Variants in AXL observed in about 807,000 individuals in gnomAD.
The protein encoded by AXL is tyrosine-protein kinase receptor UFO.
In AXL, 52 loss-of-function variants were observed where a neutral mutation model predicts 104.5. The ratio of observed to expected loss-of-function variants is 0.50; its 90% confidence interval spans 0.40 to 0.63. The LOEUF (loss-of-function observed/expected upper bound fraction) is 0.63, where lower values mean the gene tolerates loss of function less well. Ranked by LOEUF, AXL falls within the 20% of genes least tolerant of loss-of-function variation. The pLI is 0.00. For synonymous variants in AXL, 455 were observed against 473.7 expected, an observed-to-expected ratio of 0.96 and a Z score of 0.51; for missense variants, 1,024 against 1,188.5, an observed-to-expected ratio of 0.86 and a Z score of 2.04.
chr19:41,259,184 A>T (rs926846129), intron 19 of AXL, among the ~76,000 whole-genome samples: 4 of 152,192 alleles, frequency 2.6e-5, no homozygotes, highest in Non-Finnish European at 5.9e-5. Context: ...CGTCTTTTGC[A>T]GGGAGGAGGG....
At chr19:41,245,452 A>T (rs1024780440) in intron 12 of AXL, among the ~76,000 whole-genome samples, 1 of 152,012 alleles carries the variant, frequency 6.6e-6, no homozygotes, top group African/African-American at 2.4e-5. Flanking sequence ...GGCTGGGTGC[A>T]GTGGCTCACG....
At chr19:41,231,442 G>C in intron 6 of AXL, 144 bp downstream of exon 6, 1 of 761,296 alleles carries the variant, frequency 1.3e-6, no homozygotes, top group Non-Finnish European at 2.1e-6. Flanking sequence ...AGATGTCCTG[G>C]GTTCGAATCC....
intron 12 of AXL, among the ~76,000 whole-genome samples, chr19:41,247,123 T>C (rs571835630): frequency 6.6e-6 from 1 of 152,356 alleles, no homozygotes; most frequent in South Asian, 2.1e-4. Flanking sequence ...ACTAATCGAT[T>C]GTAACAGAAA....
At chr19:41,220,300 A>G (rs557235721) in intron 1 of AXL, 1 of 212,930 alleles carries the variant, frequency 4.7e-6, no homozygotes, top group East Asian at 1.1e-4. Context: ...CCCTCCATCC[A>G]CCAGCACCAG....
chr19:41,240,348 G>A (rs2034160524), intron 10 of AXL, among the ~76,000 whole-genome samples: 1 of 151,204 alleles, frequency 6.6e-6, no homozygotes, highest in Admixed American at 6.6e-5. Flanking sequence ...TGACTGGGTG[G>A]TGAGTGGATA....
intron 18 of AXL, among the ~76,000 whole-genome samples, 194 bp from the exon 19 acceptor site, chr19:41,257,299 C>T (rs1404063026): frequency 2.6e-5 from 4 of 152,194 alleles, no homozygotes; most frequent in Non-Finnish European, 1.5e-5. Context: ...CCACCTCAGC[C>T]TCCCAAAGTG....
chr19:41,260,255 C>A lies in AXL; in HGVS notation c.*351C>A. The A allele has an allele frequency of 4.7e-6, 1 of 213,752 alleles. No homozygotes were observed. The highest frequency in any genetic ancestry group is 9.0e-6 in the Non-Finnish European group (1 of 111,340). The allele number at this position is 213,752 out of a possible 1,614,324, so 13.2% of individuals were successfully genotyped here. ...CTTTGGTTCTAAGGACCTGAAATTCCAAAGTCTCTAATTCTATTAAAGTGC... is the reference window on the plus strand; with the variant it reads ...CTTTGGTTCTAAGGACCTGAAATTCAAAAGTCTCTAATTCTATTAAAGTGC... On this transcript the variant is annotated 3_prime_UTR_variant, in exon 20 of 20. Transcript: ENST00000301178.
chr19:41,259,612 AGCTGCGG>A lies in AXL; in HGVS notation c.2395_2401del (p.Leu799LysfsTer7), dbSNP rs1281496681. ...CCCCAGGACCGGCCAAGTTTTACAG[AGCTGCGG>A]GAAGATTTGGAGAACACACTGAAGG... is the stretch of plus-strand genomic sequence containing the variant. On this transcript the variant is annotated frameshift_variant, in exon 20 of 20. Coordinates refer to ENST00000301178, the MANE Select transcript of AXL (RefSeq NM_021913.5). LOFTEE classifies it high-confidence loss of function. 1 of 1,613,772 alleles carries A rather than the reference AGCTGCGG, an allele frequency of 6.2e-7. No homozygotes were observed. Among genetic ancestry groups the A allele is most frequent in the South Asian group, 1.1e-5 (1 of 91,058 alleles).
Position 41,253,669 on chromosome 19 carries a change from A to G in AXL, c.1997A>G (p.Lys666Arg), listed in dbSNP as rs779623756. The G allele has an allele frequency of 3.3e-5, 53 of 1,613,504 alleles. No homozygotes were observed. The highest frequency in any genetic ancestry group is 4.4e-5 in the Non-Finnish European group (52 of 1,179,834). ...IASGMEYLST[K>R]RFIHRDLAAR... ...AGTGGCATGGAGTATCTGAGTACCA[A>G]GAGATTCATACACCGGGACCTGGCG... The change falls in exon 17 of 20, where the codon AAG becomes AGG. Residue 666 changes from lysine to arginine, a missense_variant. Physicochemically the swap from Lys to Arg is conservative, Grantham distance 26. Around this residue, in one of 5 missense-constraint regions of AXL, gnomAD observed 523 missense variants for 636.0 expected, o/e 0.82. Transcript: ENST00000301178.
chr19:41,245,790 A>G (rs1045816990), intron 12 of AXL, among the ~76,000 whole-genome samples: 4 of 151,890 alleles, frequency 2.6e-5, no homozygotes, highest in Admixed American at 1.3e-4. Context: ...TGGAAGAGCT[A>G]GGTCTCTTCC....
chr19:41,244,383 G>A (rs1189065044), intron 12 of AXL, among the ~76,000 whole-genome samples: 2 of 152,102 alleles, frequency 1.3e-5, no homozygotes, highest in African/African-American at 4.8e-5. Flanking sequence ...GGCAACCCTA[G>A]CACTACCTAT....
intron 4 of AXL, 92 bp downstream of exon 4, chr19:41,222,148 C>CT (rs756596100): frequency 1.8e-5 from 23 of 1,312,960 alleles, no homozygotes; most frequent in Non-Finnish European, 2.0e-5. Flanking sequence ...GCGTGAGTGT[C>CT]TGACTGTCCT....
Position 41,221,224 on chromosome 19 carries a change from G to A in AXL, c.387G>A (p.Gln129=). The part of the protein sequence containing the change: ...VFLGHQTFVS[Q]PGYVGLEGLP... The stretch of plus-strand genomic sequence containing the variant: ...TGGGACATCAGACCTTCGTGTCCCA[G>A]CCTGGCTATGTTGGGCTGGAGGGTG... The change falls in exon 3 of 20, where the codon CAG becomes CAA. Residue 129 remains glutamine (Q), a synonymous_variant. Transcript: ENST00000301178. 3 of 1,614,076 alleles carry A rather than the reference G, an allele frequency of 1.9e-6. No individual in the cohort carries two copies. Among genetic ancestry groups the A allele is most frequent in the Non-Finnish European group, 2.5e-6 (3 of 1,180,016 alleles).
intron 6 of AXL, among the ~76,000 whole-genome samples, chr19:41,237,129 A>G (rs994654858): frequency 6.6e-6 from 1 of 152,206 alleles, no homozygotes; most frequent in African/African-American, 2.4e-5. Context: ...CCAGTCCCCA[A>G]GAAGTCTCCC....
chr19:41,233,349 T>G (rs67033402), intron 6 of AXL, among the ~76,000 whole-genome samples: 10 of 151,314 alleles, frequency 6.6e-5, no homozygotes, highest in African/African-American at 2.2e-4. Context: ...ACTTACATGC[T>G]CTGAGCACAA....
chr19:41,239,791 T>C (rs2034149612), intron 10 of AXL, 71 bp downstream of exon 10: 3 of 1,563,068 alleles, frequency 1.9e-6, no homozygotes, highest in South Asian at 1.1e-5. Flanking sequence ...TCACCATGCA[T>C]ACTCATTGCA....
intron 17 of AXL, among the ~76,000 whole-genome samples, chr19:41,254,866 A>G (rs2034428534): frequency 6.6e-6 from 1 of 152,286 alleles, no homozygotes; most frequent in South Asian, 2.1e-4. Context: ...GTCAGCCATG[A>G]TGGTATCACT....
chr19:41,252,981 A>G lies in AXL; in HGVS notation c.1926+14A>G, dbSNP rs767850043. 6.2e-7 allele frequency: 1 copy of G among 1,613,752 alleles called. No homozygotes were observed. The highest frequency in any genetic ancestry group is 1.7e-5 in the Admixed American group (1 of 60,012). On this transcript the variant is annotated intron_variant, in intron 16 of 19. Transcript: ENST00000301178. ...GACCAGCCAGTGGTAAGGGGCGTTT[A>G]ATCATTCAGTCTACAAATATTAACT...
chr19:41,246,517 CA>C lies in AXL; in HGVS notation c.1538-1996del, dbSNP rs1387143681. Among the ~76,000 whole-genome samples, 38 of 148,406 alleles carry C rather than the reference CA, an allele frequency of 2.6e-4. 1 individual carries two copies. The highest frequency in any genetic ancestry group is 9.2e-4 in the African/African-American group (37 of 40,168). ...AGGAGTTTGAAACCAGTGTGGGCAA[CA>C]TGGCAAAACCCCATCTCTATTTAAA... On this transcript the variant is annotated intron_variant, in intron 12 of 19. Transcript: ENST00000301178.
Sources: gnomAD v4.1 joint callset for allele counts (sites outside exome capture counted in the v4.1 genomes callset) on GRCh38, gnomAD v4.1.1 for gene constraint, gnomAD v4.1.1 regional missense constraint, MANE v1.5 for transcripts, NCBI Gene and HGNC (gene_info 2026-07-23, HGNC 2026-07-21) for gene names.